The following UBE2V1 variants were observed in gnomAD, a reference collection of about 807,000 sequenced individuals.
The protein encoded by UBE2V1 is ubiquitin-conjugating enzyme E2 variant 1.
UBE2V1 carries 15 observed loss-of-function variants against 19.6 expected under a neutral mutation model. That is an observed-to-expected ratio of 0.77 (90% CI 0.51 to 1.18). The LOEUF is 1.18. UBE2V1 is among the 50% of genes most tolerant of loss of function. UBE2V1 has a pLI of 0.00. For missense variants in UBE2V1, 125 were observed against 184.8 expected, an observed-to-expected ratio of 0.68 and a Z score of 1.88; for synonymous variants, 60 against 60.7, an observed-to-expected ratio of 0.99 and a Z score of 0.05.
chr20:50,099,827 T>A (rs370654747), intron 1 of UBE2V1, among the ~76,000 whole-genome samples: 2 of 152,196 alleles, frequency 1.3e-5, no homozygotes, highest in Non-Finnish European at 2.9e-5. Flanking sequence ...GTCAGCTGGG[T>A]ATGGCAGCTC....
At chr20:50,092,993 C>A (rs569696269) in intron 2 of UBE2V1, among the ~76,000 whole-genome samples, 4 of 152,356 alleles carry the variant, frequency 2.6e-5, no homozygotes, top group Middle Eastern at 6.8e-3. Context: ...CAAGGCCCCC[C>A]ACTCCAACTG....
At chr20:50,107,025 A>G (rs2147182692) in intron 1 of UBE2V1, among the ~76,000 whole-genome samples, 1 of 152,336 alleles carries the variant, frequency 6.6e-6, no homozygotes, top group East Asian at 1.9e-4. Flanking sequence ...ATGAGGAGGT[A>G]TGGAAGGTGA....
upstream of UBE2V1, among the ~76,000 whole-genome samples, chr20:50,113,568 C>T (rs1026674511): frequency 1.3e-5 from 2 of 152,202 alleles, no homozygotes; most frequent in African/African-American, 4.8e-5. Flanking sequence ...AGCGATTTAT[C>T]TAAACTCAGC....
At chr20:50,109,349 G>T (rs1403371006) in intron 1 of UBE2V1, among the ~76,000 whole-genome samples, 1 of 152,036 alleles carries the variant, frequency 6.6e-6, no homozygotes, top group Admixed American at 6.6e-5. Flanking sequence ...GAGGGATAGA[G>T]ATATGAAGAG....
chr20:50,105,788 G>C (rs2080315308), intron 1 of UBE2V1, among the ~76,000 whole-genome samples: 1 of 152,130 alleles, frequency 6.6e-6, no homozygotes, highest in South Asian at 2.1e-4. Context: ...AAATTAGCCA[G>C]TTGTGGTGGC....
upstream of UBE2V1, among the ~76,000 whole-genome samples, chr20:50,114,325 TGCCTA>T (rs2080944564): frequency 6.6e-6 from 1 of 152,128 alleles, no homozygotes; most frequent in African/African-American, 2.4e-5. Flanking sequence ...CTGATAGCAG[TGCCTA>T]CTCTGCATCT....
At chr20:50,101,833 C>T (rs912800529) in intron 1 of UBE2V1, among the ~76,000 whole-genome samples, 2 of 152,100 alleles carry the variant, frequency 1.3e-5, no homozygotes, top group Admixed American at 6.6e-5. Flanking sequence ...AAGATATACA[C>T]AAAGGGCAAT....
At position 50,106,098 on chromosome 20, in the gene UBE2V1, T is replaced by C. The variant is rs578209657; in HGVS notation, c.22+7009A>G. Among the ~76,000 whole-genome samples, 70 of 151,932 alleles carry C rather than the reference T, an allele frequency of 4.6e-4. No homozygotes were observed. In the South Asian group the frequency reaches 0.011, roughly 23 times the overall value. ...AGACTATGACTATTAAAAAGTGAAT[T>C]ATGAAAATGCTAAAAAAAAAAACTT... On this transcript the variant is annotated intron_variant, in intron 1 of 3. Coordinates refer to ENST00000371674, the MANE Select transcript of UBE2V1 (RefSeq NM_001032288.3).
upstream of UBE2V1, among the ~76,000 whole-genome samples, chr20:50,113,777 TC>T (rs1301255517): frequency 2.7e-5 from 3 of 112,206 alleles, no homozygotes; most frequent in Non-Finnish European, 3.4e-5. Flanking sequence ...ATTCATTCAT[TC>T]ATTCATTCAT....
chr20:50,115,463 TG>T, upstream of UBE2V1: 1 of 1,540,340 alleles, frequency 6.5e-7, no homozygotes. Context: ...TGGAAGCATT[TG>T]GGTTCCTAAG....
chr20:50,092,989 C>T (rs1184097640), intron 2 of UBE2V1, among the ~76,000 whole-genome samples: 3 of 152,166 alleles, frequency 2.0e-5, no homozygotes, highest in Non-Finnish European at 4.4e-5. Context: ...CACCCAAGGC[C>T]CCCCACTCCA....
upstream of UBE2V1, chr20:50,115,466 G>C: frequency 3.2e-6 from 5 of 1,544,586 alleles, no homozygotes; most frequent in Non-Finnish European, 4.4e-6. Context: ...AAGCATTTGG[G>C]TTCCTAAGGT....
rs2078632526 is a variant in UBE2V1, at chr20:50,081,268, A to G, written c.*1500T>C. The G allele has an allele frequency of 6.6e-6, 1 of 152,466 alleles. No individual in the cohort carries two copies. Among genetic ancestry groups the G allele is most frequent in the Non-Finnish European group, 1.5e-5 (1 of 68,006 alleles). The allele number at this position is 152,466 out of a possible 1,614,324, so 9.4% of individuals were successfully genotyped here. A position where few individuals can be genotyped will look rare whatever the true frequency, so the allele number is the denominator to read the frequency against. On this transcript the variant is annotated 3_prime_UTR_variant, in exon 4 of 4. Transcript: ENST00000371674. The stretch of plus-strand genomic sequence containing the variant: ...AGAACTAAGGTTTTCCCCCCAGAAA[A>G]AGATTAATGGAAACATCAATTGCTT...
At chr20:50,113,215 G>A, upstream of UBE2V1, 3 of 1,108,914 alleles carry the variant, frequency 2.7e-6, no homozygotes, top group South Asian at 3.9e-5. Flanking sequence ...GCGCGCGCAC[G>A]CACATACGCC....
chr20:50,106,821 G>C (rs2080392033), intron 1 of UBE2V1, among the ~76,000 whole-genome samples: 1 of 148,720 alleles, frequency 6.7e-6, no homozygotes, highest in Non-Finnish European at 1.5e-5. Flanking sequence ...GGCAACAAGA[G>C]TGAAACTCTG....
At chr20:50,095,952 G>A (rs1291757575) in intron 2 of UBE2V1, 1 of 152,262 alleles carries the variant, frequency 6.6e-6, no homozygotes, top group Non-Finnish European at 1.5e-5. Flanking sequence ...CAAGAGATCT[G>A]ACTCCTCTGA....
chr20:50,086,453 C>T (rs2078918697), intron 2 of UBE2V1, among the ~76,000 whole-genome samples: 2 of 151,530 alleles, frequency 1.3e-5, no homozygotes, highest in Non-Finnish European at 3.0e-5. Context: ...AAGGTGTTTC[C>T]TCAAAGAAAA....
chr20:50,088,323 A>G (rs1217490715), intron 2 of UBE2V1, among the ~76,000 whole-genome samples: 7 of 152,204 alleles, frequency 4.6e-5, no homozygotes, highest in Non-Finnish European at 1.0e-4. Flanking sequence ...ACCTGAATAA[A>G]GTATGGACTT....
chr20:50,095,973 T>A (rs1435107867), intron 2 of UBE2V1: 3 of 152,286 alleles, frequency 2.0e-5, no homozygotes, highest in Admixed American at 2.0e-4. Context: ...GTCTGTCTCC[T>A]CATCTGTGAA....
Sources: allele counts gnomAD v4.1 joint callset (sites outside exome capture counted in the v4.1 genomes callset), GRCh38; gene constraint gnomAD v4.1.1; transcripts MANE v1.5; gene names NCBI Gene and HGNC (gene_info 2026-07-23, HGNC 2026-07-21).